EIF4ENIF1: variants seen among roughly 807,000 people sequenced by gnomAD.
The protein encoded by EIF4ENIF1 is eukaryotic translation initiation factor 4E transporter.
In EIF4ENIF1, 23 loss-of-function variants were observed where a neutral mutation model predicts 110.5. That is an observed-to-expected ratio of 0.21 (90% CI 0.15 to 0.29). EIF4ENIF1 has a LOEUF of 0.29. EIF4ENIF1 is among the 10% of genes least tolerant of loss of function. EIF4ENIF1 has a pLI of 1.00. For missense variants in EIF4ENIF1, 1,031 were observed against 1,221.1 expected (o/e 0.84, Z 2.32); for synonymous variants, 440 against 437.0 (o/e 1.01, Z -0.09).
At chr22:31,466,348 G>C (rs966279166) in intron 4 of EIF4ENIF1, among the ~76,000 whole-genome samples, 2 of 151,996 alleles carry the variant, frequency 1.3e-5, no homozygotes, top group African/African-American at 2.4e-5. Context: ...GGGAGGCAGA[G>C]GTTGCAGTGA....
chr22:31,442,158 C>T (rs2050323012), intron 16 of EIF4ENIF1, 40 bp from the exon 17 acceptor site: 2 of 1,487,120 alleles, frequency 1.3e-6, no homozygotes. Context: ...GCAAACCTCT[C>T]CCAAACACTT....
At chr22:31,486,298 A>C (rs929085940) in intron 2 of EIF4ENIF1, among the ~76,000 whole-genome samples, 2 of 151,672 alleles carry the variant, frequency 1.3e-5, no homozygotes, top group Admixed American at 1.3e-4. Flanking sequence ...AATAAAAATA[A>C]AAATACAAAA....
At chr22:31,485,015 T>G (rs1361323225) in intron 2 of EIF4ENIF1, among the ~76,000 whole-genome samples, 1 of 152,228 alleles carries the variant, frequency 6.6e-6, no homozygotes, top group Non-Finnish European at 1.5e-5. Context: ...ATTATAGTGC[T>G]AGGAACACAT....
At position 31,463,705 on chromosome 22, in the gene EIF4ENIF1, C is replaced by T. The variant is rs1569087066; in HGVS notation, c.561G>A (p.Arg187=). 6.2e-7 allele frequency: 1 copy of T among 1,612,486 alleles called. No homozygotes were observed. Among genetic ancestry groups the T allele is most frequent in the Non-Finnish European group, 8.5e-7 (1 of 1,179,394 alleles). The change falls in exon 5 of 19, where the codon AGG becomes AGA. Residue 187 remains arginine, a synonymous_variant. Transcript: ENST00000330125. ...LRDLRDRDRE[R]DFKDKRFRRE... ...CCCTGAAACGCTTGTCCTTGAAGTC[C>T]CTCTCTCGGTCTCTGTCTCTCAAGT...
upstream of EIF4ENIF1, among the ~76,000 whole-genome samples, chr22:31,491,584 G>T (rs2052283676): frequency 1.3e-5 from 2 of 152,156 alleles, no homozygotes; most frequent in South Asian, 4.1e-4. Context: ...ATTTTATTTT[G>T]GGGGTGATGA....
At chr22:31,486,955 G>C (rs367872882) in intron 2 of EIF4ENIF1, among the ~76,000 whole-genome samples, 1 of 150,644 alleles carries the variant, frequency 6.6e-6, no homozygotes, top group African/African-American at 2.4e-5. Context: ...GCATGTTGAC[G>C]CGTGCCTGTA....
intron 6 of EIF4ENIF1, among the ~76,000 whole-genome samples, chr22:31,458,991 G>C (rs1040975264): frequency 6.9e-6 from 1 of 144,574 alleles, no homozygotes; most frequent in Non-Finnish European, 1.5e-5. Flanking sequence ...GTAGTGGCAC[G>C]ATCACAGCTC....
chr22:31,443,902 C>G, intron 15 of EIF4ENIF1, among the ~76,000 whole-genome samples: 1 of 151,218 alleles, frequency 6.6e-6, no homozygotes, highest in Non-Finnish European at 1.5e-5. Flanking sequence ...TCAAGTGATC[C>G]TCCCACCTCG....
At chr22:31,450,678 A>G (rs756736575) in intron 10 of EIF4ENIF1, 9 of 315,766 alleles carry the variant, frequency 2.9e-5, no homozygotes, top group East Asian at 7.7e-5. Context: ...CTTACTTGAG[A>G]TAACTCTTGC....
At position 31,463,107 on chromosome 22, in the gene EIF4ENIF1, G is replaced by A; in HGVS notation, c.612C>T (p.Val204=). 1.2e-6 allele frequency: 2 copies of A among 1,613,958 alleles called. No homozygotes were observed. Among genetic ancestry groups the A allele is most frequent in the East Asian group, 2.2e-5 (1 of 44,892 alleles). The change falls in exon 6 of 19, where the codon GTC becomes GTT. Residue 204 remains valine (V), a synonymous_variant. Transcript: ENST00000330125. ...AATCATTTCTTCTACGCTCACCAAA[G>A]ACACGCTTACTATCTCCAAACTCTC... ...FRREFGDSKR[V]FGERRRNDSY... is the part of the protein sequence containing the mutation.
chr22:31,472,959 T>C (rs1233608026), intron 2 of EIF4ENIF1, among the ~76,000 whole-genome samples: 2 of 152,160 alleles, frequency 1.3e-5, no homozygotes, highest in Non-Finnish European at 2.9e-5. Flanking sequence ...AACCTCTTTG[T>C]ATTCTGCCAT....
intron 4 of EIF4ENIF1, among the ~76,000 whole-genome samples, chr22:31,466,456 T>G (rs1425344107): frequency 6.7e-6 from 1 of 149,124 alleles, no homozygotes; most frequent in African/African-American, 2.5e-5. Flanking sequence ...GGAACGTGTA[T>G]GTGTAATCCC....
At chr22:31,457,272 T>C (rs910977347) in intron 7 of EIF4ENIF1, among the ~76,000 whole-genome samples, 1 of 152,222 alleles carries the variant, frequency 6.6e-6, no homozygotes, top group Non-Finnish European at 1.5e-5. Context: ...TAACACACTA[T>C]GAACAATAAA....
At chr22:31,486,438 T>C (rs898594607) in intron 2 of EIF4ENIF1, among the ~76,000 whole-genome samples, 1 of 148,918 alleles carries the variant, frequency 6.7e-6, no homozygotes, top group Non-Finnish European at 1.5e-5. Context: ...CACTCCAGCC[T>C]GGGCGACACA....
In EIF4ENIF1 at chr22:31,455,171, C is replaced by T. The variant is rs200263859; in HGVS notation, c.1244G>A (p.Ser415Asn). The T allele has an allele frequency of 2.5e-6, 4 of 1,612,376 alleles. No homozygotes were observed. Among genetic ancestry groups the T allele is most frequent in the Non-Finnish European group, 3.4e-6 (4 of 1,179,566 alleles). ...AKVDLKPLLSSLSANKEKLKE... is the reference protein window; with the variant it reads ...AKVDLKPLLSNLSANKEKLKE... ...AAGTTTTTCTTTATTTGCAGAAAGG[C>T]TGGAAAGAAGAGGTTTCAAATCCAC... is the stretch of plus-strand genomic sequence containing the variant. Residue 415 changes from serine to asparagine, a missense_variant, in exon 9 of 19, where the codon AGC (serine) becomes AAC (asparagine). Physicochemically the swap from Ser to Asn is conservative, Grantham distance 46. Around this residue, in one of 3 missense-constraint regions of EIF4ENIF1, gnomAD observed 704 missense variants for 879.7 expected, o/e 0.80. Coordinates refer to ENST00000330125, the MANE Select transcript of EIF4ENIF1 (RefSeq NM_019843.4).
chr22:31,460,526 G>A (rs543839115), intron 6 of EIF4ENIF1, among the ~76,000 whole-genome samples: 4 of 152,102 alleles, frequency 2.6e-5, no homozygotes, highest in African/African-American at 4.8e-5. Context: ...CCGCTACTCC[G>A]GAGGCTGAGG....
At chr22:31,468,340 C>T (rs1369988294) in intron 3 of EIF4ENIF1, 38 bp from the exon 4 acceptor site, 19 of 1,613,316 alleles carry the variant, frequency 1.2e-5, no homozygotes, top group Non-Finnish European at 1.6e-5. Flanking sequence ...CACTTACGCC[C>T]ATGAACCATA....
rs535046539 is a variant in EIF4ENIF1, at chr22:31,445,956, C to A, written c.1989-1266G>T. On this transcript the variant is annotated intron_variant, in intron 14 of 18. Coordinates refer to ENST00000330125, the MANE Select transcript of EIF4ENIF1 (RefSeq NM_019843.4). ...CTGTAAAATGCAGTTACGTACCGCC[C>A]CCCCCCCCCATCTACCTCACAGGGT... 6.9e-5 allele frequency among the ~76,000 whole-genome samples: 10 copies of A among 145,662 alleles called. 1 individual carries two copies. The highest frequency in any genetic ancestry group is 2.4e-4 in the South Asian group (1 of 4,218).
chr22:31,460,595 C>T (rs1300522346), intron 6 of EIF4ENIF1, among the ~76,000 whole-genome samples: 1 of 151,080 alleles, frequency 6.6e-6, no homozygotes, highest in African/African-American at 2.4e-5. Context: ...CACCACTGCA[C>T]TCCAGCCTGG....
Sources: allele counts gnomAD v4.1 joint callset (sites outside exome capture counted in the v4.1 genomes callset), GRCh38; gene constraint gnomAD v4.1.1; regional missense constraint gnomAD v4.1.1; transcripts MANE v1.5; gene names NCBI Gene and HGNC (gene_info 2026-07-23, HGNC 2026-07-21).